Variants in EXOC4 observed in about 807,000 individuals in gnomAD.
EXOC4 encodes SEC8-like 1.
A neutral mutation model predicts 107.2 loss-of-function variants in EXOC4; 71 were observed. The observed-to-expected ratio is 0.66, with a 90% confidence interval of 0.55 to 0.81. The LOEUF (loss-of-function observed/expected upper bound fraction) is 0.81. Ranked by LOEUF, EXOC4 falls within the 30% of genes least tolerant of loss-of-function variation. EXOC4 has a pLI of 0.00. For missense variants in EXOC4, 1,108 were observed against 1,189.6 expected (o/e 0.93, Z 1.01); for synonymous variants, 456 against 441.2 (o/e 1.03, Z -0.42).
intron 9 of EXOC4, among the ~76,000 whole-genome samples, chr7:133,559,018 G>A (rs1361621969): frequency 1.3e-5 from 2 of 152,182 alleles, no homozygotes; most frequent in African/African-American, 4.8e-5. Flanking sequence ...TCAGGTTTAT[G>A]ATTTTAAGCC....
rs531540671 is a variant in EXOC4 at position 133,753,447 on chromosome 7, T to C, written c.1515-63878T>C. Among the ~76,000 whole-genome samples, 9 of 152,340 alleles carry C rather than the reference T, an allele frequency of 5.9e-5. No individual in the cohort carries two copies. The South Asian group carries it at 1.9e-3, about 32-fold the overall frequency. On this transcript the variant is annotated intron_variant, in intron 10 of 17. Transcript: ENST00000253861. ...ACAAACATTTAGGGCTGAGCTTAGA[T>C]GATATCTAAACAACAACCCAAAACT...
intron 7 of EXOC4, among the ~76,000 whole-genome samples, chr7:133,407,654 G>A (rs887601217): frequency 1.3e-5 from 2 of 152,256 alleles, no homozygotes; most frequent in East Asian, 1.9e-4. Context: ...ACTGAAAAGC[G>A]TGGCCATAAA....
At chr7:133,846,733 T>C (rs1798136061) in intron 11 of EXOC4, among the ~76,000 whole-genome samples, 1 of 152,230 alleles carries the variant, frequency 6.6e-6, no homozygotes, top group Non-Finnish European at 1.5e-5. Flanking sequence ...TGAATGCATG[T>C]GGCTGTGTTC....
chr7:133,803,920 G>T (rs1797008652), intron 10 of EXOC4, among the ~76,000 whole-genome samples: 1 of 152,166 alleles, frequency 6.6e-6, no homozygotes, highest in Admixed American at 6.5e-5. Context: ...TGTAGGAATG[G>T]AATGGTAGCT....
chr7:133,324,981 T>C (rs1280614583), intron 5 of EXOC4, among the ~76,000 whole-genome samples: 1 of 152,146 alleles, frequency 6.6e-6, no homozygotes, highest in Non-Finnish European at 1.5e-5. Context: ...TCTTTGTCTC[T>C]TTTGATCTTT....
intron 9 of EXOC4, among the ~76,000 whole-genome samples, chr7:133,570,508 C>T (rs1381183871): frequency 2.0e-5 from 3 of 152,158 alleles, no homozygotes; most frequent in African/African-American, 7.2e-5. Flanking sequence ...GGGAAAAGTG[C>T]AGATAACCTG....
intron 11 of EXOC4, among the ~76,000 whole-genome samples, chr7:133,851,850 A>T (rs1231155836): frequency 6.6e-6 from 1 of 152,208 alleles, no homozygotes; most frequent in African/African-American, 2.4e-5. Context: ...TCAACAGTTC[A>T]TTCCAGTTGA....
chr7:133,489,168 A>G (rs1799325621), intron 9 of EXOC4, among the ~76,000 whole-genome samples: 1 of 152,076 alleles, frequency 6.6e-6, no homozygotes, highest in African/African-American at 2.4e-5. Flanking sequence ...GTCAAGGAAA[A>G]CATCACCTCT....
At chr7:133,256,127 A>G (rs544877225) in intron 1 of EXOC4, among the ~76,000 whole-genome samples, 11 of 152,182 alleles carry the variant, frequency 7.2e-5, no homozygotes, top group African/African-American at 2.4e-4. Flanking sequence ...GACTACAGGC[A>G]TGCGCCACCA....
chr7:133,768,458 A>G (rs1796181694), intron 10 of EXOC4: 1 of 151,966 alleles, frequency 6.6e-6, no homozygotes, highest in African/African-American at 2.4e-5. Context: ...AAAATACTGC[A>G]GAGAAATCTA....
In EXOC4 at chr7:133,933,864, C is replaced by G. The variant is rs530246740; in HGVS notation, c.2028-4027C>G. 2.0e-5 allele frequency among the ~76,000 whole-genome samples: 3 copies of G among 152,260 alleles called. No homozygotes were observed. In the East Asian group the frequency reaches 5.8e-4, roughly 29 times the overall value. On this transcript the variant is annotated intron_variant, in intron 13 of 17. Coordinates refer to ENST00000253861, the MANE Select transcript of EXOC4 (RefSeq NM_021807.4). ...TTCTCTCATATGTGGTGAGACGTTC[C>G]GTTTTTCTCTTCACTAAAACGTGAA...
At position 133,374,997 on chromosome 7, in the gene EXOC4, C is replaced by T. The variant is rs1331015314; in HGVS notation, c.1177C>T (p.Leu393=). The T allele has an allele frequency of 1.2e-6, 2 of 1,612,886 alleles. No homozygotes were observed. Among genetic ancestry groups the T allele is most frequent in the Middle Eastern group, 1.7e-4 (1 of 6,052 alleles). The change falls in exon 7 of 18, where the codon CTA becomes TTA. Residue 393 remains leucine, a synonymous_variant. Transcript: ENST00000253861. ...TGTATGGGTGAAGATCCAAGATGTT[C>T]TACAGGTAAGAGCCTTTTACAAAGG... is the stretch of plus-strand genomic sequence containing the variant. The part of the protein sequence containing the change: ...ADVWVKIQDV[L]QMLLTEYLDM...
intron 10 of EXOC4, among the ~76,000 whole-genome samples, chr7:133,807,219 T>G (rs1271329623): frequency 1.3e-5 from 2 of 152,026 alleles, no homozygotes; most frequent in East Asian, 3.9e-4. Flanking sequence ...CTGTCAGCTG[T>G]TAATGTTACT....
chr7:133,855,042 TATATATCTAAATATATCTAA>T, intron 11 of EXOC4, among the ~76,000 whole-genome samples: 1 of 75,680 alleles, frequency 1.3e-5, no homozygotes, highest in South Asian at 4.9e-4. Flanking sequence ...TCTAAATATA[TATATATCTAAATATATCTAA>T]ATATATCTAA....
At position 133,373,955 on chromosome 7, in the gene EXOC4, A is replaced by G. The variant is rs376815515; in HGVS notation, c.1008-873A>G. Reference sequence around the variant, plus strand: ...CAGCATATGTGAGGCTCATGTGATAAGTTCCTTAAAAGCAGACAAAAGAGT... The same window carrying G: ...CAGCATATGTGAGGCTCATGTGATAGGTTCCTTAAAAGCAGACAAAAGAGT... On this transcript the variant is annotated intron_variant, in intron 6 of 17. Coordinates refer to ENST00000253861, the MANE Select transcript of EXOC4 (RefSeq NM_021807.4). Among the ~76,000 whole-genome samples the G allele has an allele frequency of 5.1e-4, 78 of 152,328 alleles. No homozygotes were observed. In the South Asian group the frequency reaches 0.014, roughly 28 times the overall value.
chr7:133,912,946 G>T (rs1466231476), intron 12 of EXOC4, among the ~76,000 whole-genome samples: 1 of 152,110 alleles, frequency 6.6e-6, no homozygotes, highest in Non-Finnish European at 1.5e-5. Flanking sequence ...TTGCCCAAGT[G>T]ATTCTAATCT....
At chr7:133,296,678 A>G (rs1383233683) in intron 3 of EXOC4, among the ~76,000 whole-genome samples, 1 of 151,636 alleles carries the variant, frequency 6.6e-6, no homozygotes, top group Admixed American at 6.6e-5. Context: ...GCACCTGGTT[A>G]TTGTATTAGT....
At chr7:133,304,061 A>C (rs1794700187) in intron 3 of EXOC4, among the ~76,000 whole-genome samples, 1 of 152,236 alleles carries the variant, frequency 6.6e-6, no homozygotes, top group African/African-American at 2.4e-5. Flanking sequence ...ATCTTCATGT[A>C]CATTCCTACA....
At chr7:134,011,937 G>A (rs1382758191) in intron 17 of EXOC4, among the ~76,000 whole-genome samples, 1 of 152,150 alleles carries the variant, frequency 6.6e-6, no homozygotes, top group African/African-American at 2.4e-5. Context: ...AGCAAGCCAT[G>A]CAGCTATCTA....
Sources: gnomAD v4.1 joint callset for allele counts (sites outside exome capture counted in the v4.1 genomes callset) on GRCh38, gnomAD v4.1.1 for gene constraint, MANE v1.5 for transcripts, NCBI Gene and HGNC (gene_info 2026-07-23, HGNC 2026-07-21) for gene names.